RBPMS: variants seen among roughly 807,000 people sequenced by gnomAD.
RBPMS encodes RNA-binding protein with multiple splicing.
In RBPMS, 7 loss-of-function variants were observed where a neutral mutation model predicts 26.8. The observed-to-expected ratio is 0.26, with a 90% CI of 0.15 to 0.49. The LOEUF (loss-of-function observed/expected upper bound fraction) is 0.49. Among genes scored for constraint, RBPMS ranks in the 20% least tolerant of loss-of-function variants. RBPMS has a pLI of 0.98. For missense variants in RBPMS, 186 were observed against 250.0 expected (o/e 0.74, Z 1.73); for synonymous variants, 96 against 93.3 (o/e 1.03, Z -0.17).
At chr8:30,392,303 G>A (rs1229470601) in intron 1 of RBPMS, among the ~76,000 whole-genome samples, 2 of 152,126 alleles carry the variant, frequency 1.3e-5, no homozygotes, top group Non-Finnish European at 1.5e-5. Context: ...TTCAGACAGT[G>A]GGGAAAAGAT....
At chr8:30,422,861 A>AT (rs1465037573) in intron 1 of RBPMS, among the ~76,000 whole-genome samples, 1 of 152,214 alleles carries the variant, frequency 6.6e-6, no homozygotes, top group Non-Finnish European at 1.5e-5. Flanking sequence ...GGATGGATGT[A>AT]TTTTACTGAC....
At chr8:30,419,503 A>G (rs1052004933) in intron 1 of RBPMS, among the ~76,000 whole-genome samples, 1 of 142,050 alleles carries the variant, frequency 7.0e-6, no homozygotes, top group Non-Finnish European at 1.5e-5. Context: ...AAAGTAGTAC[A>G]GGTAGAGAGC....
chr8:30,486,735 A>C (rs552796123), intron 4 of RBPMS, among the ~76,000 whole-genome samples: 4 of 152,340 alleles, frequency 2.6e-5, no homozygotes, highest in African/African-American at 9.6e-5. Flanking sequence ...GGGAGGAAGA[A>C]CCACACGTTC....
At chr8:30,495,611 T>C (rs979916557) in intron 4 of RBPMS, among the ~76,000 whole-genome samples, 1 of 152,306 alleles carries the variant, frequency 6.6e-6, no homozygotes, top group South Asian at 2.1e-4. Context: ...GGGAGGTAGT[T>C]GGATTAAGAA....
At chr8:30,386,856 CT>C (rs879534669) in intron 1 of RBPMS, among the ~76,000 whole-genome samples, 59 of 149,950 alleles carry the variant, frequency 3.9e-4, no homozygotes, top group African/African-American at 1.3e-3. Flanking sequence ...GTTGAGAAAA[CT>C]TTTTTTTTTC....
intron 1 of RBPMS, among the ~76,000 whole-genome samples, chr8:30,417,164 T>C (rs1810184662): frequency 6.6e-6 from 1 of 152,178 alleles, no homozygotes; most frequent in African/African-American, 2.4e-5. Context: ...AAGAATACAG[T>C]AAAATCTTCT....
chr8:30,472,232 C>G (rs1400073387), intron 1 of RBPMS, among the ~76,000 whole-genome samples: 2 of 152,204 alleles, frequency 1.3e-5, no homozygotes, highest in African/African-American at 4.8e-5. Context: ...AAGGAATAGA[C>G]TGTTGATACA....
At chr8:30,520,376 C>G (rs1822900295) in intron 5 of RBPMS, among the ~76,000 whole-genome samples, 1 of 152,102 alleles carries the variant, frequency 6.6e-6, no homozygotes. Flanking sequence ...TCCCCTTTCC[C>G]TACTTTTGAG....
chr8:30,465,495 A>G (rs1816396198), intron 1 of RBPMS, among the ~76,000 whole-genome samples: 1 of 152,224 alleles, frequency 6.6e-6, no homozygotes, highest in Admixed American at 6.5e-5. Context: ...CTTCTTAAGA[A>G]GTCCTATCAG....
intron 5 of RBPMS, among the ~76,000 whole-genome samples, chr8:30,524,062 T>G (rs1823328718): frequency 6.6e-6 from 1 of 152,182 alleles, no homozygotes; most frequent in Non-Finnish European, 1.5e-5. Flanking sequence ...TTTCTTAGAG[T>G]ATCTCTGTGA....
intron 4 of RBPMS, among the ~76,000 whole-genome samples, chr8:30,487,045 A>G (rs1405686922): frequency 6.6e-6 from 1 of 152,230 alleles, no homozygotes; most frequent in Non-Finnish European, 1.5e-5. Context: ...AATAGAAAAT[A>G]TAGTTAGTGT....
intron 1 of RBPMS, among the ~76,000 whole-genome samples, chr8:30,413,433 T>C (rs1809684418): frequency 6.6e-6 from 1 of 152,052 alleles, no homozygotes; most frequent in African/African-American, 2.4e-5. Context: ...TCTTTCTGGA[T>C]CCCTTGAGGT....
rs190224831 is a variant in RBPMS, at chr8:30,555,468, A to C, written c.529-3419A>C. Among the ~76,000 whole-genome samples the C allele has an allele frequency of 1.3e-3, 205 of 152,248 alleles. 2 individuals are homozygous for C. The highest frequency in any genetic ancestry group is 4.7e-3 in the African/African-American group (197 of 41,540). On this transcript the variant is annotated intron_variant, in intron 6 of 8. Transcript: ENST00000397323. The stretch of plus-strand genomic sequence containing the variant: ...ACTAAATGTCAGGGTCAGTTTGGTT[A>C]AGTATATTGTGTTAAAGTTTCTCAC...
chr8:30,567,325 G>C (rs1390192116), intron 8 of RBPMS, among the ~76,000 whole-genome samples: 1 of 152,144 alleles, frequency 6.6e-6, no homozygotes, highest in Non-Finnish European at 1.5e-5. Flanking sequence ...TGCCACACTG[G>C]GCGACCCACC....
rs143032009 is a variant in RBPMS, at chr8:30,435,947, C to T, written c.67-38832C>T. ...TTGGTCTCCCAAAGTGCTGGGATTACAGTTGTGAGCCACTGTGCCTGGCCT... is the reference window on the plus strand; with the variant it reads ...TTGGTCTCCCAAAGTGCTGGGATTATAGTTGTGAGCCACTGTGCCTGGCCT... On this transcript the variant is annotated intron_variant, in intron 1 of 8. Transcript: ENST00000397323. Among the ~76,000 whole-genome samples, 555 of 152,254 alleles carry T rather than the reference C, an allele frequency of 3.6e-3. 2 individuals are homozygous for T. Among genetic ancestry groups the T allele is most frequent in the Non-Finnish European group, 6.8e-3 (461 of 68,026 alleles).
At chr8:30,494,792 C>T (rs1433637870) in intron 4 of RBPMS, among the ~76,000 whole-genome samples, 1 of 152,170 alleles carries the variant, frequency 6.6e-6, no homozygotes, top group East Asian at 1.9e-4. Flanking sequence ...ACCTTCTTCT[C>T]CTGGTTGCTT....
chr8:30,506,801 T>A (rs1282078095), intron 5 of RBPMS, among the ~76,000 whole-genome samples: 2 of 152,196 alleles, frequency 1.3e-5, no homozygotes, highest in Non-Finnish European at 2.9e-5. Flanking sequence ...TTGCCATCAC[T>A]AAAGGAAGAA....
At chr8:30,485,352 A>AT (rs1286584265) in intron 4 of RBPMS, among the ~76,000 whole-genome samples, 1 of 152,178 alleles carries the variant, frequency 6.6e-6, no homozygotes, top group African/African-American at 2.4e-5. Flanking sequence ...TATGTTTCTT[A>AT]TCAGTTTTGA....
chr8:30,411,832 C>A (rs1012854921), intron 1 of RBPMS, among the ~76,000 whole-genome samples: 1 of 151,684 alleles, frequency 6.6e-6, no homozygotes, highest in Admixed American at 6.6e-5. Context: ...TAAAAAAATG[C>A]AGAATTAGCT....
Sources: gnomAD v4.1 joint callset for allele counts (sites outside exome capture counted in the v4.1 genomes callset) on GRCh38, gnomAD v4.1.1 for gene constraint, MANE v1.5 for transcripts, NCBI Gene and HGNC (gene_info 2026-07-23, HGNC 2026-07-21) for gene names.